DGKB: variants seen among roughly 807,000 people sequenced by gnomAD.
DGKB encodes diacylglycerol kinase beta.
Under a neutral mutation model 114.3 loss-of-function variants are expected in DGKB, and 67 were observed. The ratio of observed to expected loss-of-function variants is 0.59; its 90% confidence interval spans 0.48 to 0.72. DGKB has a LOEUF of 0.72. DGKB is among the 30% of genes least tolerant of loss of function. DGKB has a pLI of 0.00. For missense variants in DGKB, 907 were observed against 975.2 expected (o/e 0.93, Z 0.93); for synonymous variants, 398 against 323.1 (o/e 1.23, Z -2.49).
intron 23 of DGKB, among the ~76,000 whole-genome samples, chr7:14,198,117 G>C (rs1379488199): frequency 6.6e-6 from 1 of 152,076 alleles, no homozygotes; most frequent in Non-Finnish European, 1.5e-5. Context: ...GGACTAAACA[G>C]ATTCCTGTAG....
chr7:14,384,017 G>A (rs1052070857), intron 21 of DGKB, among the ~76,000 whole-genome samples: 5 of 152,174 alleles, frequency 3.3e-5, no homozygotes, highest in African/African-American at 1.2e-4. Flanking sequence ...TGGACTGAAA[G>A]GCTTTTAAAC....
At chr7:14,580,043 T>C (rs1244517395) in intron 19 of DGKB, among the ~76,000 whole-genome samples, 1 of 152,204 alleles carries the variant, frequency 6.6e-6, no homozygotes, top group African/African-American at 2.4e-5. Flanking sequence ...CAGATAAATA[T>C]AGCCTATTAG....
chr7:14,425,673 T>G (rs1400999836), intron 21 of DGKB, among the ~76,000 whole-genome samples: 1 of 152,108 alleles, frequency 6.6e-6, no homozygotes, highest in Admixed American at 6.6e-5. Flanking sequence ...AATAAACATT[T>G]CAGTTTTGTC....
intron 1 of DGKB, among the ~76,000 whole-genome samples, chr7:14,954,866 A>G (rs187800316): frequency 2.9e-4 from 44 of 152,190 alleles, no homozygotes; most frequent in Admixed American, 2.2e-3. Flanking sequence ...TTCAAATTTG[A>G]GAGTCTACAT....
chr7:14,238,070 G>A (rs1368030903), intron 23 of DGKB, among the ~76,000 whole-genome samples: 1 of 151,994 alleles, frequency 6.6e-6, no homozygotes, highest in African/African-American at 2.4e-5. Flanking sequence ...TTGGTGAAAG[G>A]AAAATTTCTC....
At chr7:14,573,014 G>A (rs887978048) in intron 20 of DGKB, among the ~76,000 whole-genome samples, 2 of 152,116 alleles carry the variant, frequency 1.3e-5, no homozygotes, top group Admixed American at 6.5e-5. Flanking sequence ...AAATGGGCAT[G>A]AGGGTTCTGA....
chr7:14,788,945 C>A (rs112082039), intron 2 of DGKB, among the ~76,000 whole-genome samples: 1 of 152,090 alleles, frequency 6.6e-6, no homozygotes, highest in African/African-American at 2.4e-5. Flanking sequence ...GGAGGCAGCA[C>A]AGATAAAGCC....
At chr7:14,245,083 A>C (rs374000382) in intron 23 of DGKB, among the ~76,000 whole-genome samples, 1 of 152,114 alleles carries the variant, frequency 6.6e-6, no homozygotes, top group Admixed American at 6.6e-5. Flanking sequence ...ATTCATGAAG[A>C]TGTCATGAGT....
rs556331160 is a variant in DGKB at position 14,626,526 on chromosome 7, T to G, written c.1167+3710A>C. On this transcript the variant is annotated intron_variant, in intron 14 of 25. Transcript: ENST00000402815. ...ATAGATTCACAGCAGTTAAGATCTC[T>G]CTGATGCAGAAATGTTACCACATTC... 2.6e-5 allele frequency among the ~76,000 whole-genome samples: 4 copies of G among 152,312 alleles called. No individual in the cohort carries two copies. In the South Asian group the frequency reaches 8.3e-4, roughly 32 times the overall value.
intron 15 of DGKB, among the ~76,000 whole-genome samples, chr7:14,614,945 T>C (rs779575786): frequency 1.3e-5 from 2 of 152,040 alleles, no homozygotes; most frequent in Non-Finnish European, 2.9e-5. Flanking sequence ...ACATAAAGTG[T>C]CTATTATCTT....
chr7:14,617,609 C>A (rs1437411739), intron 15 of DGKB, among the ~76,000 whole-genome samples: 5 of 151,580 alleles, frequency 3.3e-5, no homozygotes, highest in Admixed American at 2.6e-4. Flanking sequence ...TCTTTCCCAC[C>A]AATATCTTCT....
intron 21 of DGKB, among the ~76,000 whole-genome samples, chr7:14,447,623 A>G (rs1429582567): frequency 6.6e-6 from 1 of 152,014 alleles, no homozygotes; most frequent in Non-Finnish European, 1.5e-5. Flanking sequence ...TCATTTTTTA[A>G]ATTTTCTCCA....
chr7:14,163,685 C>T (rs1214172034), intron 25 of DGKB, among the ~76,000 whole-genome samples: 1 of 152,058 alleles, frequency 6.6e-6, no homozygotes, highest in Non-Finnish European at 1.5e-5. Flanking sequence ...AAATTATCAA[C>T]ATTTAGGCTT....
Position 14,949,162 on chromosome 7 carries a change from A to G in DGKB, c.-188+25534T>C, listed in dbSNP as rs1403572877. Among the ~76,000 whole-genome samples the G allele has an allele frequency of 2.0e-5, 3 of 151,854 alleles. No homozygotes were observed. In the South Asian group the frequency reaches 6.2e-4, roughly 31 times the overall value. ...AAAACAGGTATTTTACAAAAGAAACATTAATAAAAAAATCTATATAGAAAT... is the reference window on the plus strand; with the variant it reads ...AAAACAGGTATTTTACAAAAGAAACGTTAATAAAAAAATCTATATAGAAAT... On this transcript the variant is annotated intron_variant, in intron 1 of 4. Coordinates refer to the DGKB transcript ENST00000437998.
chr7:14,608,151 T>C (rs149603109), intron 16 of DGKB, among the ~76,000 whole-genome samples: 30 of 152,144 alleles, frequency 2.0e-4, no homozygotes, highest in African/African-American at 7.0e-4. Flanking sequence ...GAAATGTTTC[T>C]ATGCATGCAC....
intron 20 of DGKB, among the ~76,000 whole-genome samples, chr7:14,551,067 AT>A (rs59336308): frequency 0.56 from 84,630 of 151,940 alleles, 23,968 homozygotes; most frequent in East Asian, 0.84. Flanking sequence ...TCTGTTAACT[AT>A]TTCCACTAAC....
In DGKB at chr7:14,212,258, ATTT is replaced by A. The variant is rs1303869749; in HGVS notation, c.2123-34110_2123-34108del. Among the ~76,000 whole-genome samples, 32 of 7,478 alleles carry A rather than the reference ATTT, an allele frequency of 4.3e-3. 6 individuals carry two copies. The highest frequency in any genetic ancestry group is 3.9e-3 in the Admixed American group (2 of 508). 4.9% of individuals were successfully genotyped at this position (7,478 alleles called of 152,430 possible). A position where few individuals can be genotyped will look rare whatever the true frequency, so the allele number is the denominator to read the frequency against. ...TGTGATTTTACTCTCATGTTTTGTGATTTTACTCTCATGTTTTGTGATTTTACT... is the reference window on the plus strand; with the variant it reads ...TGTGATTTTACTCTCATGTTTTGTGATACTCTCATGTTTTGTGATTTTACT... On this transcript the variant is annotated intron_variant, in intron 23 of 25. Coordinates refer to ENST00000402815, the MANE Select transcript of DGKB (RefSeq NM_001350709.2).
At chr7:14,607,960 C>T (rs756429561) in intron 16 of DGKB, among the ~76,000 whole-genome samples, 11 of 151,830 alleles carry the variant, frequency 7.2e-5, no homozygotes, top group Non-Finnish European at 1.0e-4. Flanking sequence ...CTATATGAAA[C>T]GGGACTGTAC....
chr7:14,383,899 G>C (rs557277572), intron 21 of DGKB, among the ~76,000 whole-genome samples: 1 of 152,310 alleles, frequency 6.6e-6, no homozygotes, highest in African/African-American at 2.4e-5. Context: ...ATTTGGCACA[G>C]CCTGTCAACA....
Sources: allele counts gnomAD v4.1 joint callset (sites outside exome capture counted in the v4.1 genomes callset), GRCh38; gene constraint gnomAD v4.1.1; transcripts MANE v1.5; gene names NCBI Gene and HGNC (gene_info 2026-07-23, HGNC 2026-07-21).